NKAIN2: variants seen among roughly 807,000 people sequenced by gnomAD.
The protein encoded by NKAIN2 is sodium/potassium transporting ATPase interacting 2.
In NKAIN2, 14 loss-of-function variants were observed where a neutral mutation model predicts 32.6. The observed-to-expected ratio is 0.43, with a 90% confidence interval of 0.28 to 0.67. NKAIN2 has a LOEUF of 0.67. Among genes scored for constraint, NKAIN2 ranks in the 30% least tolerant of loss-of-function variants. The pLI is 0.17. For missense variants in NKAIN2, 198 were observed against 258.3 expected, an observed-to-expected ratio of 0.77 and a Z score of 1.60; for synonymous variants, 80 against 87.2, an observed-to-expected ratio of 0.92 and a Z score of 0.46.
At chr6:123,973,186 A>G (rs975074919) in intron 1 of NKAIN2, among the ~76,000 whole-genome samples, 1 of 152,116 alleles carries the variant, frequency 6.6e-6, no homozygotes, top group Non-Finnish European at 1.5e-5. Flanking sequence ...GCTGGAAACC[A>G]GGAAAGTCTA....
At chr6:124,225,299 T>C (rs1007522454) in intron 1 of NKAIN2, among the ~76,000 whole-genome samples, 13 of 152,102 alleles carry the variant, frequency 8.5e-5, no homozygotes, top group Admixed American at 7.2e-4. Context: ...GTATCTATTG[T>C]ATATCTATTT....
At chr6:124,142,774 A>G (rs528583486) in intron 1 of NKAIN2, among the ~76,000 whole-genome samples, 1 of 152,206 alleles carries the variant, frequency 6.6e-6, no homozygotes, top group Non-Finnish European at 1.5e-5. Flanking sequence ...AGCAGATCTT[A>G]TTTCTAAAGC....
intron 3 of NKAIN2, among the ~76,000 whole-genome samples, chr6:124,519,144 C>T (rs143375454): frequency 6.6e-6 from 1 of 152,202 alleles, no homozygotes; most frequent in African/African-American, 2.4e-5. Flanking sequence ...AATCAGGAAA[C>T]TCGTTCCATT....
chr6:123,987,313 T>C (rs959037915), intron 1 of NKAIN2, among the ~76,000 whole-genome samples: 3 of 152,204 alleles, frequency 2.0e-5, no homozygotes, highest in African/African-American at 7.2e-5. Flanking sequence ...AAAAAGTATG[T>C]ATTGTCTTGA....
intron 3 of NKAIN2, among the ~76,000 whole-genome samples, chr6:124,378,433 T>C (rs1800084427): frequency 6.6e-6 from 1 of 152,092 alleles, no homozygotes; most frequent in Admixed American, 6.6e-5. Flanking sequence ...CAGGATACAC[T>C]GGGGTAAAGC....
intron 1 of NKAIN2, among the ~76,000 whole-genome samples, chr6:124,111,568 C>A (rs1214511865): frequency 6.6e-6 from 1 of 152,006 alleles, no homozygotes; most frequent in Non-Finnish European, 1.5e-5. Flanking sequence ...TCTATCCCTT[C>A]ACTTTCAGCC....
intron 4 of NKAIN2, among the ~76,000 whole-genome samples, chr6:124,669,641 C>T (rs1301531672): frequency 6.6e-6 from 1 of 152,066 alleles, no homozygotes; most frequent in Non-Finnish European, 1.5e-5. Flanking sequence ...GCCTAGTCTG[C>T]AGTCAGTAAA....
chr6:123,854,021 C>T (rs1775460862), intron 1 of NKAIN2, among the ~76,000 whole-genome samples: 1 of 152,098 alleles, frequency 6.6e-6, no homozygotes, highest in Admixed American at 6.5e-5. Flanking sequence ...GCTCCGCCTG[C>T]CTTGGCCTCC....
chr6:124,056,238 G>GT (rs575460242), intron 1 of NKAIN2, among the ~76,000 whole-genome samples: 10,548 of 144,128 alleles, frequency 0.073, 382 homozygotes, highest in Middle Eastern at 0.16. Context: ...ATTGAGAGAG[G>GT]TTTTTTTTTT....
At chr6:124,409,131 G>A (rs143256009) in intron 3 of NKAIN2, among the ~76,000 whole-genome samples, 26,401 of 151,934 alleles carry the variant, frequency 0.17, 2,434 homozygotes, top group East Asian at 0.24. Context: ...CAATGATGTC[G>A]TCTGCGAACA....
intron 4 of NKAIN2, among the ~76,000 whole-genome samples, chr6:124,714,713 A>G (rs533328353): frequency 1.3e-5 from 2 of 152,318 alleles, no homozygotes; most frequent in South Asian, 4.1e-4. Flanking sequence ...TCCCTGAGGC[A>G]GGCTTTGATA....
chr6:124,493,047 C>T (rs1029226130), intron 3 of NKAIN2, among the ~76,000 whole-genome samples: 1 of 151,786 alleles, frequency 6.6e-6, no homozygotes, highest in African/African-American at 2.4e-5. Context: ...CCTATTAATA[C>T]AGTTGTTATA....
chr6:124,040,677 G>A (rs1365454436), intron 1 of NKAIN2, among the ~76,000 whole-genome samples: 3 of 151,902 alleles, frequency 2.0e-5, no homozygotes, highest in Non-Finnish European at 4.4e-5. Flanking sequence ...TATGATATAG[G>A]TGTTTTCAGG....
chr6:124,580,159 T>C (rs1781470408), intron 3 of NKAIN2, among the ~76,000 whole-genome samples: 1 of 152,210 alleles, frequency 6.6e-6, no homozygotes, highest in South Asian at 2.1e-4. Flanking sequence ...AAGACTTGCT[T>C]GTAATAGTAA....
Position 123,872,920 on chromosome 6 carries a change from A to G in NKAIN2, c.54+68666A>G, listed in dbSNP as rs562846727. ...TAAAATTATTATTGGTCAATCCTAC[A>G]TTCTGGTATCACACACGTTTTAAGA... On this transcript the variant is annotated intron_variant, in intron 1 of 6. Transcript: ENST00000368417. Among the ~76,000 whole-genome samples the G allele has an allele frequency of 3.3e-5, 5 of 152,308 alleles. No homozygotes were observed. In the South Asian group the frequency reaches 1.0e-3, roughly 32 times the overall value.
intron 3 of NKAIN2, among the ~76,000 whole-genome samples, chr6:124,610,671 G>A (rs1782656805): frequency 6.6e-6 from 1 of 152,078 alleles, no homozygotes; most frequent in Non-Finnish European, 1.5e-5. Flanking sequence ...ATGTCCTTAT[G>A]TCTCAAATGC....
chr6:124,236,346 A>G (rs1792758944), intron 1 of NKAIN2, among the ~76,000 whole-genome samples: 1 of 152,132 alleles, frequency 6.6e-6, no homozygotes. Context: ...CAAAGTCAAA[A>G]CAAGCAGAGG....
rs1031588684 is a variant in NKAIN2, at chr6:124,824,632, A to G, written c.*1403A>G. The G allele has an allele frequency of 6.6e-6, 1 of 152,238 alleles. No individual in the cohort carries two copies. Among genetic ancestry groups the G allele is most frequent in the Non-Finnish European group, 1.5e-5 (1 of 68,038 alleles). The allele number at this position is 152,238 out of a possible 1,614,324, so 9.4% of individuals were successfully genotyped here. On this transcript the variant is annotated 3_prime_UTR_variant, in exon 7 of 7. Coordinates refer to ENST00000368417, the MANE Select transcript of NKAIN2 (RefSeq NM_001040214.3). Reference sequence around the variant, plus strand: ...TGGAAAACATAATTAGCTCAGGCTTATCAGGAACTCAGATGAGTCATATTT... The same window carrying G: ...TGGAAAACATAATTAGCTCAGGCTTGTCAGGAACTCAGATGAGTCATATTT...
At chr6:124,069,424 G>A (rs1173573298) in intron 1 of NKAIN2, among the ~76,000 whole-genome samples, 4 of 152,134 alleles carry the variant, frequency 2.6e-5, no homozygotes, top group Non-Finnish European at 5.9e-5. Flanking sequence ...CGGCCAGTGA[G>A]TCTGGCTAGA....
Sources: allele counts gnomAD v4.1 joint callset (sites outside exome capture counted in the v4.1 genomes callset), GRCh38; gene constraint gnomAD v4.1.1; transcripts MANE v1.5; gene names NCBI Gene and HGNC (gene_info 2026-07-23, HGNC 2026-07-21).